The following KIF17 variants were observed in gnomAD, a reference collection of about 807,000 sequenced individuals.
KIF17 encodes the protein kinesin family member 17, also known as kinesin-like protein KIF17.
In KIF17, 80 loss-of-function variants were observed where a neutral mutation model predicts 96.8. The ratio of observed to expected loss-of-function variants is 0.83; its 90% CI spans 0.69 to 1.00. The LOEUF (loss-of-function observed/expected upper bound fraction) is 1.00, where lower values mean the gene tolerates loss of function less well. KIF17 is among the 50% of genes least tolerant of loss of function. The pLI is 0.00. For synonymous variants in KIF17, 567 were observed against 587.5 expected, an observed-to-expected ratio of 0.97 and a Z score of 0.51; for missense variants, 1,280 against 1,372.9, an observed-to-expected ratio of 0.93 and a Z score of 1.07.
downstream of KIF17, among the ~76,000 whole-genome samples, chr1:20,661,852 G>A (rs2053441483): frequency 1.3e-5 from 2 of 152,242 alleles, no homozygotes; most frequent in Admixed American, 1.3e-4. Context: ...CTAGGGAGGA[G>A]GAGTTGGAAG....
At chr1:20,712,739 T>TATAGATAATATAGATAATATTATC (rs1557606736) in intron 3 of KIF17, among the ~76,000 whole-genome samples, 2 of 16,874 alleles carry the variant, frequency 1.2e-4, no homozygotes, top group African/African-American at 3.1e-4. Context: ...TCTATATATA[T>TATAGATAATATAGATAATATTATC]TATATATATA....
intron 10 of KIF17, among the ~76,000 whole-genome samples, chr1:20,683,310 A>T (rs1436460443): frequency 6.6e-6 from 1 of 152,216 alleles, no homozygotes; most frequent in African/African-American, 2.4e-5. Flanking sequence ...CATTGTTAAG[A>T]CTATTTATGT....
At chr1:20,676,177 G>A (rs776856181) in intron 11 of KIF17, among the ~76,000 whole-genome samples, 7 of 151,894 alleles carry the variant, frequency 4.6e-5, no homozygotes, top group South Asian at 2.1e-4. Context: ...TAAAAAAGAC[G>A]AAACCATAGA....
chr1:20,715,634 G>A lies in KIF17; in HGVS notation c.237C>T (p.Val79=), dbSNP rs2054565195. The part of the protein sequence containing the change: ...NEIAYPLVEG[V]TEGYNGTIFA... Reference sequence around the variant, plus strand: ...AGATGGTGCCATTGTAGCCCTCAGTGACGCCCTGCATGGGAGGAAGGCAGG... The same window carrying A: ...AGATGGTGCCATTGTAGCCCTCAGTAACGCCCTGCATGGGAGGAAGGCAGG... Residue 79 remains valine (V), a synonymous_variant, in exon 2 of 15, where the codon GTC becomes GTT. Transcript: ENST00000400463. The A allele has an allele frequency of 6.2e-7, 1 of 1,613,336 alleles. No homozygotes were observed. The highest frequency in any genetic ancestry group is 1.7e-4 in the Middle Eastern group (1 of 6,060).
In KIF17 at chr1:20,685,514, C is replaced by T. The variant is rs151176676; in HGVS notation, c.2020-494G>A. On this transcript the variant is annotated intron_variant, in intron 9 of 14. Coordinates refer to ENST00000400463, the MANE Select transcript of KIF17 (RefSeq NM_001122819.3). The surrounding 1 kb of genome is among the most constrained non-coding windows in gnomAD (Gnocchi z 4.1). ...GCTGCTTCCCCCCGTCCCTCCTTCA[C>T]GCCTGGGTCCCACCCCAGAGTCACT... is the stretch of plus-strand genomic sequence containing the variant. 2.2e-4 allele frequency among the ~76,000 whole-genome samples: 33 copies of T among 152,138 alleles called. No homozygotes were observed. The highest frequency in any genetic ancestry group is 7.2e-4 in the African/African-American group (30 of 41,500).
chr1:20,717,333 A>G (rs2054595431), intron 1 of KIF17, 143 bp downstream of exon 1: 1 of 868,998 alleles, frequency 1.2e-6, no homozygotes, highest in Non-Finnish European at 1.7e-6. Flanking sequence ...GCCTGGACAA[A>G]AGCCTCCGGA....
intron 7 of KIF17, among the ~76,000 whole-genome samples, 187 bp from the exon 8 acceptor site, chr1:20,688,131 C>T (rs1376174330): frequency 6.6e-6 from 1 of 151,946 alleles, no homozygotes; most frequent in East Asian, 1.9e-4. Context: ...ACTGAAAGCT[C>T]TGCCTCCCAG....
chr1:20,701,364 G>C (rs941841354), intron 5 of KIF17, among the ~76,000 whole-genome samples: 2 of 152,202 alleles, frequency 1.3e-5, no homozygotes, highest in South Asian at 4.1e-4. Context: ...CCGGGAGGTG[G>C]AGGTTGCAGT....
Position 20,664,301 on chromosome 1 carries a change from G to A in KIF17, c.*283C>T. ...CAAAGACCAACACTGGTGGGCATGG[G>A]TGTGGGCTCTGTGGCAGGTGAGCAG... On this transcript the variant is annotated 3_prime_UTR_variant, in exon 15 of 15. Transcript: ENST00000400463. The A allele has an allele frequency of 7.4e-7, 1 of 1,353,344 alleles. No homozygotes were observed. Among genetic ancestry groups the A allele is most frequent in the Non-Finnish European group, 9.6e-7 (1 of 1,046,046 alleles). The allele number at this position is 1,353,344 out of a possible 1,614,324, so 83.8% of individuals were successfully genotyped here.
intron 13 of KIF17, among the ~76,000 whole-genome samples, chr1:20,666,745 A>G (rs1025367274): frequency 2.6e-5 from 4 of 152,224 alleles, no homozygotes; most frequent in African/African-American, 9.6e-5. Flanking sequence ...ATTTGTGATC[A>G]TTAGAACTGG....
intron 5 of KIF17, among the ~76,000 whole-genome samples, chr1:20,701,494 A>G (rs1467373495): frequency 6.6e-6 from 1 of 152,156 alleles, no homozygotes; most frequent in Non-Finnish European, 1.5e-5. Flanking sequence ...GAAGTCAGGA[A>G]TGCAGAGGTG....
chr1:20,695,975 G>A (rs113378339), intron 6 of KIF17, among the ~76,000 whole-genome samples: 13 of 136,978 alleles, frequency 9.5e-5, no homozygotes, highest in East Asian at 4.5e-4. Context: ...TACACAGCCC[G>A]CCAAGGAGAT....
intron 10 of KIF17, among the ~76,000 whole-genome samples, chr1:20,684,068 C>G (rs2053883219): frequency 6.6e-6 from 1 of 152,248 alleles, no homozygotes; most frequent in Non-Finnish European, 1.5e-5. Flanking sequence ...TGATATCGCC[C>G]ATTCTGAAGA....
intron 4 of KIF17, among the ~76,000 whole-genome samples, chr1:20,705,532 C>T (rs572932784): frequency 3.9e-5 from 6 of 152,310 alleles, no homozygotes; most frequent in East Asian, 1.9e-4. Context: ...CTCACAAAGC[C>T]GCTGCCTCTG....
intron 14 of KIF17, among the ~76,000 whole-genome samples, 154 bp from the exon 15 acceptor site, chr1:20,664,916 G>A (rs2053498576): frequency 6.6e-6 from 1 of 152,112 alleles, no homozygotes; most frequent in African/African-American, 2.4e-5. Context: ...CCCAGGCTCT[G>A]CGAGGCTGCT....
intron 4 of KIF17, among the ~76,000 whole-genome samples, chr1:20,708,652 C>T (rs962911840): frequency 3.9e-5 from 6 of 152,148 alleles, no homozygotes; most frequent in African/African-American, 1.2e-4. Flanking sequence ...CACCAATTAG[C>T]GGCGGTGAGA....
downstream of KIF17, among the ~76,000 whole-genome samples, chr1:20,662,133 G>C (rs2053445677): frequency 6.6e-6 from 1 of 152,248 alleles, no homozygotes; most frequent in Non-Finnish European, 1.5e-5. Context: ...TGTGCCTTAG[G>C]AACAGCCATT....
rs958284274 is a variant in KIF17, at chr1:20,709,507, G to A, written c.670+132C>T. 1.1e-4 allele frequency: 107 copies of A among 977,794 alleles called. No homozygotes were observed. Among genetic ancestry groups the A allele is most frequent in the South Asian group, 2.4e-4 (18 of 73,936 alleles). 60.6% of individuals were successfully genotyped at this position (977,794 alleles called of 1,614,324 possible). On this transcript the variant is annotated intron_variant, in intron 4 of 14. Coordinates refer to ENST00000400463, the MANE Select transcript of KIF17 (RefSeq NM_001122819.3). This position sits in a 1 kb window ranked among gnomAD's most constrained non-coding sequence, Gnocchi z 4.7. ...CCCAGCATCCCAAGGGTCCTCTTGG[G>A]TTTCCTCCAGGCTGTTAGAGCATCT...
intron 2 of KIF17, among the ~76,000 whole-genome samples, chr1:20,713,855 A>G (rs1333572922): frequency 6.6e-6 from 1 of 152,096 alleles, no homozygotes; most frequent in Non-Finnish European, 1.5e-5. Context: ...ATTCAGGTTA[A>G]AAACAAAAAC....
Sources: gnomAD v4.1 joint callset for allele counts (sites outside exome capture counted in the v4.1 genomes callset) on GRCh38, gnomAD v4.1.1 for gene constraint, Gnocchi (gnomAD v3.1) non-coding constraint, MANE v1.5 for transcripts, NCBI Gene and HGNC (gene_info 2026-07-23, HGNC 2026-07-21) for gene names.